CENPK: variants seen among roughly 807,000 people sequenced by gnomAD.
CENPK encodes SoxLZ/Sox6-binding protein Solt.
A neutral mutation model predicts 40.9 loss-of-function variants in CENPK; 46 were observed. That is an observed-to-expected ratio of 1.13 (90% CI 0.89 to 1.44). CENPK has a LOEUF of 1.44. CENPK is among the 40% of genes most tolerant of loss of function. CENPK has a pLI of 0.00. For synonymous variants in CENPK, 107 were observed against 104.4 expected (o/e 1.02, Z -0.15); for missense variants, 288 against 303.5 (o/e 0.95, Z 0.38).
chr5:65,551,671 ACTATTCATAC>A (rs780648602), intron 4 of CENPK, 35 bp from the exon 5 acceptor site: 6 of 1,165,642 alleles, frequency 5.1e-6, no homozygotes, highest in Admixed American at 4.2e-5. Flanking sequence ...TTTTCTGTGG[ACTATTCATAC>A]CTATTCATAG....
chr5:65,506,741 C>T, the CENPK span, among the ~76,000 whole-genome samples: 3 of 151,258 alleles, frequency 2.0e-5, no homozygotes, highest in Non-Finnish European at 4.4e-5. Context: ...GCTGAGATCA[C>T]GCCACTGCAC....
chr5:65,560,568 G>C (rs955999091), intron 2 of CENPK, among the ~76,000 whole-genome samples: 1 of 152,020 alleles, frequency 6.6e-6, no homozygotes, highest in Non-Finnish European at 1.5e-5. Context: ...AATAGAAACT[G>C]GCAAAGAACA....
chr5:65,541,873 T>C (rs1277423715), intron 6 of CENPK, among the ~76,000 whole-genome samples: 1 of 152,210 alleles, frequency 6.6e-6, no homozygotes, highest in Non-Finnish European at 1.5e-5. Flanking sequence ...TCATAGTCCA[T>C]TCAGTCTCCT....
At chr5:65,523,355 C>T (rs1744116062) in intron 9 of CENPK, among the ~76,000 whole-genome samples, 1 of 152,144 alleles carries the variant, frequency 6.6e-6, no homozygotes, top group African/African-American at 2.4e-5. Context: ...TTCAGACATT[C>T]AATTAATTAT....
intron 5 of CENPK, chr5:65,550,389 C>T (rs541166427): frequency 9.2e-5 from 14 of 152,114 alleles, no homozygotes; most frequent in African/African-American, 2.9e-4. Context: ...GGCCTAAATT[C>T]AATATTCTTG....
At chr5:65,511,978 G>A in the CENPK span, among the ~76,000 whole-genome samples, 2 of 152,166 alleles carry the variant, frequency 1.3e-5, no homozygotes, top group African/African-American at 4.8e-5. Context: ...CAATTCATGG[G>A]AGGAGGTCAA....
chr5:65,555,931 G>A (rs1750907920), intron 2 of CENPK, among the ~76,000 whole-genome samples: 1 of 152,166 alleles, frequency 6.6e-6, no homozygotes, highest in African/African-American at 2.4e-5. Context: ...AAAGTTTTGA[G>A]CTAGCAATAT....
intron 6 of CENPK, among the ~76,000 whole-genome samples, chr5:65,537,986 T>G (rs1297995239): frequency 1.3e-5 from 2 of 152,196 alleles, no homozygotes; most frequent in African/African-American, 4.8e-5. Context: ...TTTGAGAAAT[T>G]TCCACACTGC....
chr5:65,543,517 A>C (rs1439587915), intron 5 of CENPK, among the ~76,000 whole-genome samples: 1 of 152,194 alleles, frequency 6.6e-6, no homozygotes, highest in African/African-American at 2.4e-5. Context: ...GAATGGGGTC[A>C]TATCACACAT....
At chr5:65,541,370 G>A (rs1250886091) in intron 6 of CENPK, 3 of 456,132 alleles carry the variant, frequency 6.6e-6, no homozygotes, top group African/African-American at 2.0e-5. Context: ...AGTAGATTAT[G>A]TCAGAACTGA....
intron 6 of CENPK, among the ~76,000 whole-genome samples, chr5:65,542,058 A>C (rs1383762141): frequency 1.3e-5 from 2 of 152,204 alleles, no homozygotes; most frequent in African/African-American, 2.4e-5. Context: ...GACGTTTATA[A>C]GGGCATTAAT....
chr5:65,497,758 A>C, the CENPK span, among the ~76,000 whole-genome samples: 1 of 152,188 alleles, frequency 6.6e-6, no homozygotes, highest in Non-Finnish European at 1.5e-5. Context: ...TAATTCCAGC[A>C]CTTTTTGAGG....
intron 5 of CENPK, 80 bp downstream of exon 5, chr5:65,551,484 T>G (rs1561685130): frequency 1.3e-5 from 10 of 798,792 alleles, no homozygotes; most frequent in Non-Finnish European, 1.9e-5. Flanking sequence ...AAATGGATCT[T>G]GTAATTTTTC....
At chr5:65,547,961 G>A (rs992539120) in intron 5 of CENPK, among the ~76,000 whole-genome samples, 2 of 152,216 alleles carry the variant, frequency 1.3e-5, no homozygotes, top group African/African-American at 4.8e-5. Flanking sequence ...ACAGCGCCCA[G>A]CCTGGGGAAT....
chr5:65,542,672 CAT>C, intron 6 of CENPK, 128 bp downstream of exon 6: 1 of 628,516 alleles, frequency 1.6e-6, no homozygotes, highest in Non-Finnish European at 2.6e-6. Context: ...TTCAATAAAA[CAT>C]AAATAAAAGC....
chr5:65,521,869 T>A (rs1743837163), intron 9 of CENPK, among the ~76,000 whole-genome samples: 1 of 152,246 alleles, frequency 6.6e-6, no homozygotes, highest in East Asian at 1.9e-4. Context: ...CCCAAAGTGC[T>A]TTGATTACAG....
chr5:65,505,205 C>T, the CENPK span, among the ~76,000 whole-genome samples: 5 of 152,014 alleles, frequency 3.3e-5, no homozygotes, highest in African/African-American at 1.2e-4. Flanking sequence ...TTATGTGATT[C>T]AAGATTGATT....
At chr5:65,521,112 AAC>A (rs1458772997) in intron 10 of CENPK, among the ~76,000 whole-genome samples, 5 of 152,184 alleles carry the variant, frequency 3.3e-5, no homozygotes, top group South Asian at 2.1e-4. Context: ...CTACCAATTA[AAC>A]AGTCAATGTA....
At chr5:65,561,747 C>T (rs957097719) in intron 1 of CENPK, among the ~76,000 whole-genome samples, 183 bp from the exon 2 acceptor site, 1 of 144,696 alleles carries the variant, frequency 6.9e-6, no homozygotes, top group Non-Finnish European at 1.5e-5. Context: ...TGAAGAAAAA[C>T]AGTATCTCTT....
Sources: gnomAD v4.1 joint callset for allele counts (sites outside exome capture counted in the v4.1 genomes callset) on GRCh38, gnomAD v4.1.1 for gene constraint, MANE v1.5 for transcripts, NCBI Gene and HGNC (gene_info 2026-07-23, HGNC 2026-07-21) for gene names.